Variants in LRFN2 observed in about 807,000 individuals in gnomAD.
LRFN2 encodes leucine rich repeat and fibronectin type III domain containing 2.
LRFN2 carries 18 observed loss-of-function variants against 37.3 expected under a neutral mutation model. The observed-to-expected ratio is 0.48, with a 90% confidence interval of 0.33 to 0.72. The LOEUF is 0.72. LRFN2 is among the 30% of genes least tolerant of loss of function. LRFN2 has a pLI of 0.02. For missense variants in LRFN2, 1,006 were observed against 1,060.7 expected (o/e 0.95, Z 0.72); for synonymous variants, 556 against 466.6 (o/e 1.19, Z -2.47).
At chr6:40,562,017 G>A (rs1397633870) in intron 1 of LRFN2, among the ~76,000 whole-genome samples, 4 of 152,202 alleles carry the variant, frequency 2.6e-5, no homozygotes, top group Non-Finnish European at 2.9e-5. Flanking sequence ...AGTATGTGCC[G>A]AATGAATGAC....
intron 1 of LRFN2, among the ~76,000 whole-genome samples, chr6:40,489,874 G>T (rs144692705): frequency 6.6e-6 from 1 of 152,126 alleles, no homozygotes; most frequent in Non-Finnish European, 1.5e-5. Context: ...GCTGCACTCC[G>T]TAGGCATGCC....
intron 1 of LRFN2, among the ~76,000 whole-genome samples, chr6:40,556,016 G>GAAT (rs1766868925): frequency 6.6e-6 from 1 of 152,188 alleles, no homozygotes; most frequent in Non-Finnish European, 1.5e-5. Flanking sequence ...GATACAGGGA[G>GAAT]AATGCACTCT....
intron 1 of LRFN2, among the ~76,000 whole-genome samples, chr6:40,498,940 C>T (rs1281832797): frequency 6.6e-6 from 1 of 152,222 alleles, no homozygotes; most frequent in Non-Finnish European, 1.5e-5. Flanking sequence ...GCAAGCAAGA[C>T]CAGCATGGTT....
At chr6:40,535,996 A>T (rs1369006700) in intron 1 of LRFN2, among the ~76,000 whole-genome samples, 1 of 152,072 alleles carries the variant, frequency 6.6e-6, no homozygotes, top group Non-Finnish European at 1.5e-5. Flanking sequence ...TTAGAAAGAC[A>T]CTGTGCAGGC....
intron 1 of LRFN2, among the ~76,000 whole-genome samples, chr6:40,458,408 G>T (rs1764279196): frequency 6.6e-6 from 1 of 152,206 alleles, no homozygotes; most frequent in African/African-American, 2.4e-5. Context: ...TTTAGGAGCA[G>T]CAAAAAGTCC....
In LRFN2 at chr6:40,454,534, A is replaced by G. The variant is rs1561862708; in HGVS notation, c.-18-21403T>C. Among the ~76,000 whole-genome samples the G allele has an allele frequency of 3.9e-5, 6 of 152,292 alleles. No individual in the cohort carries two copies. The South Asian group carries it at 1.2e-3, about 32-fold the overall frequency. The stretch of plus-strand genomic sequence containing the variant: ...GTCATGCTGGAGGGGGTACGTGCAG[A>G]AGGAGGTCATTGTACCCTCAAATCA... On this transcript the variant is annotated intron_variant, in intron 1 of 2. Coordinates refer to ENST00000338305, the MANE Select transcript of LRFN2 (RefSeq NM_020737.3).
chr6:40,501,347 G>A (rs563282098), intron 1 of LRFN2, among the ~76,000 whole-genome samples: 1 of 151,710 alleles, frequency 6.6e-6, no homozygotes, highest in African/African-American at 2.4e-5. Flanking sequence ...TTAAGACAGG[G>A]TCTCACTCTG....
At chr6:40,449,736 TA>T (rs1310441407) in intron 1 of LRFN2, among the ~76,000 whole-genome samples, 13 of 152,178 alleles carry the variant, frequency 8.5e-5, no homozygotes, top group Non-Finnish European at 1.6e-4. Context: ...TACGAACTTG[TA>T]AAAAATAGTA....
At chr6:40,406,649 T>C (rs967295463) in intron 2 of LRFN2, among the ~76,000 whole-genome samples, 2 of 152,204 alleles carry the variant, frequency 1.3e-5, no homozygotes, top group African/African-American at 4.8e-5. Flanking sequence ...TCTGGACAAC[T>C]CTGAGTGACT....
chr6:40,424,089 C>A (rs1181033147), intron 2 of LRFN2, among the ~76,000 whole-genome samples: 2 of 152,198 alleles, frequency 1.3e-5, no homozygotes, highest in Non-Finnish European at 1.5e-5. Context: ...ATGCCTCTAG[C>A]AACTTTGTCA....
At chr6:40,495,652 T>C (rs778803252) in intron 1 of LRFN2, among the ~76,000 whole-genome samples, 12 of 152,270 alleles carry the variant, frequency 7.9e-5, no homozygotes, top group African/African-American at 1.2e-4. Flanking sequence ...CACACAGCCA[T>C]GTTGACTAGC....
chr6:40,459,709 T>C (rs1764306085), intron 1 of LRFN2, among the ~76,000 whole-genome samples: 1 of 152,202 alleles, frequency 6.6e-6, no homozygotes, highest in African/African-American at 2.4e-5. Context: ...TATGCTTCTT[T>C]TGGGATGCTT....
chr6:40,488,448 A>C (rs1327583895), intron 1 of LRFN2, among the ~76,000 whole-genome samples: 1 of 148,698 alleles, frequency 6.7e-6, no homozygotes, highest in Non-Finnish European at 1.5e-5. Flanking sequence ...GAAACAACCC[A>C]CCTATCCTCC....
chr6:40,573,613 T>C (rs1767225119), intron 1 of LRFN2, among the ~76,000 whole-genome samples: 2 of 152,220 alleles, frequency 1.3e-5, no homozygotes, highest in South Asian at 2.1e-4. Flanking sequence ...GGCTCATCCA[T>C]GCATTTGCTC....
chr6:40,438,665 C>T (rs574067143), intron 1 of LRFN2, among the ~76,000 whole-genome samples: 1 of 152,192 alleles, frequency 6.6e-6, no homozygotes, highest in African/African-American at 2.4e-5. Flanking sequence ...TATGGGTTTG[C>T]TTAGTAACTG....
At chr6:40,396,325 C>T (rs1458383888) in intron 2 of LRFN2, among the ~76,000 whole-genome samples, 1 of 152,198 alleles carries the variant, frequency 6.6e-6, no homozygotes, top group African/African-American at 2.4e-5. Context: ...GGCTCCAGGG[C>T]CTCCGCACCT....
intron 1 of LRFN2, among the ~76,000 whole-genome samples, chr6:40,482,211 C>G (rs1390997638): frequency 6.6e-6 from 1 of 152,160 alleles, no homozygotes; most frequent in Non-Finnish European, 1.5e-5. Context: ...TTCTGAAACT[C>G]ACTCCTCCCA....
intron 2 of LRFN2, among the ~76,000 whole-genome samples, chr6:40,416,585 G>A (rs1412645287): frequency 6.6e-6 from 1 of 152,176 alleles, no homozygotes; most frequent in South Asian, 2.1e-4. Context: ...AAGTCCAAGA[G>A]AGTTGCAATA....
At chr6:40,550,855 C>T (rs750469332) in intron 1 of LRFN2, among the ~76,000 whole-genome samples, 2 of 152,170 alleles carry the variant, frequency 1.3e-5, no homozygotes, top group African/African-American at 2.4e-5. Flanking sequence ...TAGGCAGAAA[C>T]TAAGTAAAAC....
Sources: gnomAD v4.1 joint callset for allele counts (sites outside exome capture counted in the v4.1 genomes callset) on GRCh38, gnomAD v4.1.1 for gene constraint, MANE v1.5 for transcripts, NCBI Gene and HGNC (gene_info 2026-07-23, HGNC 2026-07-21) for gene names.